Variants in APBB2 observed in about 807,000 individuals in gnomAD.
The protein encoded by APBB2 is Fe65-like 1.
In APBB2, 38 loss-of-function variants were observed where a neutral mutation model predicts 82.5. That is an observed-to-expected ratio of 0.46 (90% CI 0.36 to 0.60). The LOEUF is 0.60. APBB2 is among the 20% of genes least tolerant of loss of function. APBB2 has a pLI of 0.00. For synonymous variants in APBB2, 341 were observed against 368.2 expected (o/e 0.93, Z 0.85); for missense variants, 772 against 972.3 (o/e 0.79, Z 2.74).
At chr4:41,049,989 A>G (rs34222696) in intron 4 of APBB2, among the ~76,000 whole-genome samples, 27,475 of 151,882 alleles carry the variant, frequency 0.18, 2,822 homozygotes, top group Non-Finnish European at 0.24. Context: ...GCGGAAGGCC[A>G]CAGGGTCCTC....
Position 40,830,553 on chromosome 4 carries a change from A to G in APBB2, c.1554T>C (p.Asp518=), listed in dbSNP as rs749728842. ...GACATTTCAAAATTCTTGTATCTTT[A>G]TCTCTTGCTACATAAGCAAAATCCC... ...NGRDFAYVAR[D]KDTRILKCHV... is the part of the protein sequence containing the mutation. The change falls in exon 13 of 18, where the codon GAT becomes GAC. Residue 518 remains aspartate, a synonymous_variant. Transcript: ENST00000508593. 4 of 1,613,772 alleles carry G rather than the reference A, an allele frequency of 2.5e-6. No individual in the cohort carries two copies. The highest frequency in any genetic ancestry group is 2.7e-5 in the African/African-American group (2 of 74,918).
chr4:40,811,931 C>A lies in APBB2; in HGVS notation c.*4161G>T, dbSNP rs1032571172. On this transcript the variant is annotated 3_prime_UTR_variant, in exon 18 of 18. Transcript: ENST00000508593. ...TCATTTTGGATTTAGTGTGTGTACA[C>A]CTCTATTCTTTATTCTTTGATGTCA... 2.0e-5 allele frequency: 3 copies of A among 152,166 alleles called. No homozygotes were observed. The highest frequency in any genetic ancestry group is 2.9e-5 in the Non-Finnish European group (2 of 68,030). 9.4% of individuals were successfully genotyped at this position (152,166 alleles called of 1,614,324 possible).
At chr4:41,116,237 T>TA (rs1750928597) in intron 2 of APBB2, among the ~76,000 whole-genome samples, 1 of 152,144 alleles carries the variant, frequency 6.6e-6, no homozygotes, top group Non-Finnish European at 1.5e-5. Flanking sequence ...CACTGCATGT[T>TA]ATCACTCATG....
At chr4:41,020,612 C>T (rs748097525) in intron 5 of APBB2, among the ~76,000 whole-genome samples, 1 of 152,194 alleles carries the variant, frequency 6.6e-6, no homozygotes, top group African/African-American at 2.4e-5. Flanking sequence ...TCCATATTAA[C>T]TTATAAGGTA....
intron 3 of APBB2, among the ~76,000 whole-genome samples, chr4:41,071,507 C>G (rs1290773453): frequency 6.6e-6 from 1 of 151,996 alleles, no homozygotes; most frequent in East Asian, 1.9e-4. Context: ...ATGGCGAAAC[C>G]CCATCTCTAC....
At chr4:40,939,710 T>C (rs1042879481) in intron 7 of APBB2, among the ~76,000 whole-genome samples, 9 of 152,188 alleles carry the variant, frequency 5.9e-5, no homozygotes, top group Non-Finnish European at 1.2e-4. Flanking sequence ...TCCTCTCACC[T>C]CAGCCTCTCA....
chr4:41,087,284 G>A (rs954197211), intron 3 of APBB2, among the ~76,000 whole-genome samples: 1 of 152,160 alleles, frequency 6.6e-6, no homozygotes, highest in East Asian at 1.9e-4. Flanking sequence ...GATGTTTTCT[G>A]TAGAAACGGA....
At chr4:40,865,674 T>C (rs1232845718) in intron 12 of APBB2, among the ~76,000 whole-genome samples, 1 of 152,254 alleles carries the variant, frequency 6.6e-6, no homozygotes, top group Non-Finnish European at 1.5e-5. Context: ...TGTGTATCCA[T>C]CTACCAGTTG....
At chr4:41,100,199 C>T (rs1345652324) in intron 3 of APBB2, among the ~76,000 whole-genome samples, 2 of 152,150 alleles carry the variant, frequency 1.3e-5, no homozygotes, top group Non-Finnish European at 2.9e-5. Flanking sequence ...GCTTTCCTTT[C>T]CAGACAAGAA....
At chr4:41,017,932 T>C (rs1242291412) in intron 5 of APBB2, among the ~76,000 whole-genome samples, 1 of 152,260 alleles carries the variant, frequency 6.6e-6, no homozygotes, top group Non-Finnish European at 1.5e-5. Flanking sequence ...AACCTTCTAA[T>C]ATTTAACTGT....
chr4:40,982,681 C>T (rs535798497), intron 6 of APBB2, among the ~76,000 whole-genome samples: 2 of 151,910 alleles, frequency 1.3e-5, no homozygotes, highest in South Asian at 4.2e-4. Flanking sequence ...GTCCCAGCTA[C>T]TTGTGAGGCT....
chr4:41,210,393 C>G (rs1280345075), intron 1 of APBB2, among the ~76,000 whole-genome samples: 1 of 152,186 alleles, frequency 6.6e-6, no homozygotes, highest in Non-Finnish European at 1.5e-5. Flanking sequence ...AAGTAAGGGA[C>G]AAGCCAGCCC....
chr4:41,185,799 G>A (rs957929717), intron 1 of APBB2, among the ~76,000 whole-genome samples: 7 of 152,198 alleles, frequency 4.6e-5, no homozygotes, highest in Admixed American at 2.6e-4. Flanking sequence ...CCATCAGAAT[G>A]TGTTAAGCCT....
chr4:40,890,337 C>T, intron 12 of APBB2, 27 bp downstream of exon 12: 1 of 1,605,480 alleles, frequency 6.2e-7, no homozygotes, highest in Non-Finnish European at 8.5e-7. Context: ...GGTGAGGTGA[C>T]CCAGACTGCC....
intron 5 of APBB2, among the ~76,000 whole-genome samples, chr4:41,018,576 T>G (rs1810635308): frequency 6.6e-6 from 1 of 152,296 alleles, no homozygotes; most frequent in South Asian, 2.1e-4. Context: ...AAGGTTGATG[T>G]GTATATTCTG....
chr4:40,871,141 G>A (rs78603455), intron 12 of APBB2, among the ~76,000 whole-genome samples: 4,299 of 151,744 alleles, frequency 0.028, 154 homozygotes, highest in African/African-American at 0.08. Flanking sequence ...CTACTACCCC[G>A]CACCCGTTTA....
At position 40,832,310 on chromosome 4, in the gene APBB2, C is replaced by A. The variant is rs1308676155; in HGVS notation, c.1530-1733G>T. ...GGTCTGGCCGGAAAACCCTGCCTCG[C>A]AACCTCACCTCGCCATGCCCCAGGC... On this transcript the variant is annotated intron_variant, in intron 12 of 17. Coordinates refer to ENST00000508593, the MANE Select transcript of APBB2 (RefSeq NM_004307.2). This position sits in a 1 kb window ranked among gnomAD's most constrained non-coding sequence, Gnocchi z 4.8. 6.6e-5 allele frequency among the ~76,000 whole-genome samples: 10 copies of A among 152,210 alleles called. No homozygotes were observed. Among genetic ancestry groups the A allele is most frequent in the African/African-American group, 2.4e-4 (10 of 41,438 alleles).
chr4:41,200,212 A>C (rs1456928314), intron 1 of APBB2, among the ~76,000 whole-genome samples: 3 of 152,226 alleles, frequency 2.0e-5, no homozygotes, highest in African/African-American at 7.2e-5. Flanking sequence ...AAAGCTGGTC[A>C]AAGCAAACAT....
At chr4:40,912,317 G>A (rs1484034013) in intron 10 of APBB2, among the ~76,000 whole-genome samples, 2 of 152,188 alleles carry the variant, frequency 1.3e-5, no homozygotes, top group Non-Finnish European at 2.9e-5. Flanking sequence ...GGTGGCTCAC[G>A]CCTGTAATCC....
Sources: allele counts gnomAD v4.1 joint callset (sites outside exome capture counted in the v4.1 genomes callset), GRCh38; gene constraint gnomAD v4.1.1; non-coding constraint Gnocchi (gnomAD v3.1); transcripts MANE v1.5; gene names NCBI Gene and HGNC (gene_info 2026-07-23, HGNC 2026-07-21).